The following CFAP54 variants were observed in gnomAD, a reference collection of about 807,000 sequenced individuals.
CFAP54 encodes the protein cilia- and flagella-associated protein 54.
In CFAP54, 290 loss-of-function variants were observed where a neutral mutation model predicts 370.4. The observed-to-expected ratio is 0.78, with a 90% CI of 0.71 to 0.86. The LOEUF (loss-of-function observed/expected upper bound fraction) is 0.86. Among genes scored for constraint, CFAP54 ranks in the 40% least tolerant of loss-of-function variants. The pLI, the probability that CFAP54 is intolerant of heterozygous loss-of-function variation, is 0.00. For synonymous variants in CFAP54, 1,206 were observed against 1,236.5 expected (o/e 0.98, Z 0.52); for missense variants, 3,399 against 3,528.7 (o/e 0.96, Z 0.93).
intron 38 of CFAP54, among the ~76,000 whole-genome samples, chr12:96,663,213 AAAG>A (rs1284565828): frequency 1.3e-5 from 2 of 152,198 alleles, no homozygotes; most frequent in Non-Finnish European, 2.9e-5. Flanking sequence ...AAGGGACAAT[AAAG>A]AAGAAGCATC....
intron 65 of CFAP54, among the ~76,000 whole-genome samples, chr12:96,825,226 CT>C (rs1382511571): frequency 7.5e-6 from 1 of 133,370 alleles, no homozygotes; most frequent in African/African-American, 2.8e-5. Flanking sequence ...TATATATTCT[CT>C]CCCACATCTA....
At chr12:96,512,331 ATATATATATATATATATATG>A (rs1395473862) in intron 4 of CFAP54, among the ~76,000 whole-genome samples, 1 of 36,772 alleles carries the variant, frequency 2.7e-5, no homozygotes, top group African/African-American at 1.1e-4. Flanking sequence ...ATATATATAT[ATATATATATATATATATATG>A]TATATATTTG....
chr12:96,755,442 T>A (rs1016150252), intron 56 of CFAP54, among the ~76,000 whole-genome samples: 2 of 152,098 alleles, frequency 1.3e-5, no homozygotes, highest in African/African-American at 4.8e-5. Flanking sequence ...TAACTGAAAC[T>A]TTGTACCCTT....
chr12:96,772,865 T>TGTAA (rs1958478219), intron 60 of CFAP54, among the ~76,000 whole-genome samples: 1 of 152,108 alleles, frequency 6.6e-6, no homozygotes, highest in South Asian at 2.1e-4. Flanking sequence ...ATGCCTCAGC[T>TGTAA]TCCCAAAGTG....
chr12:96,602,521 C>T (rs1093235), intron 26 of CFAP54, among the ~76,000 whole-genome samples: 105,181 of 151,986 alleles, frequency 0.69, 36,535 homozygotes, highest in African/African-American at 0.71. Flanking sequence ...TGTTAATTTT[C>T]TCTCTCATTG....
intron 26 of CFAP54, 46 bp from the exon 27 acceptor site, chr12:96,621,544 A>G: frequency 7.7e-7 from 1 of 1,301,976 alleles, no homozygotes; most frequent in Non-Finnish European, 1.0e-6. Context: ...ACTTGAAAAT[A>G]GACAAGAATG....
intron 50 of CFAP54, among the ~76,000 whole-genome samples, chr12:96,730,007 G>A (rs1456880369): frequency 2.0e-5 from 3 of 152,190 alleles, no homozygotes; most frequent in African/African-American, 7.2e-5. Context: ...ACACAGTCGA[G>A]TAGGAGCCCG....
chr12:96,513,442 C>A (rs1238417322), intron 5 of CFAP54, among the ~76,000 whole-genome samples: 5 of 152,098 alleles, frequency 3.3e-5, no homozygotes, highest in Admixed American at 3.3e-4. Flanking sequence ...CCCACTTTTA[C>A]TAGTAAAAGT....
At chr12:96,861,460 C>A (rs1320558455) in intron 67 of CFAP54, among the ~76,000 whole-genome samples, 3 of 152,172 alleles carry the variant, frequency 2.0e-5, no homozygotes, top group Non-Finnish European at 2.9e-5. Context: ...CTCAATTAAA[C>A]CCCGACATGT....
intron 63 of CFAP54, among the ~76,000 whole-genome samples, chr12:96,794,333 T>C (rs947336333): frequency 6.6e-6 from 1 of 152,198 alleles, no homozygotes; most frequent in Non-Finnish European, 1.5e-5. Context: ...CAAATACATT[T>C]TCCAAACTTT....
chr12:96,709,348 T>C (rs1957583820), intron 48 of CFAP54, among the ~76,000 whole-genome samples: 1 of 152,204 alleles, frequency 6.6e-6, no homozygotes, highest in Non-Finnish European at 1.5e-5. Flanking sequence ...ACATAGTATA[T>C]CTTTCTATGG....
At chr12:96,809,575 A>C (rs372202525) in intron 63 of CFAP54, among the ~76,000 whole-genome samples, 27 of 151,968 alleles carry the variant, frequency 1.8e-4, no homozygotes, top group African/African-American at 5.8e-4. Context: ...GTTTCATTGG[A>C]GTTTTCTCCT....
chr12:96,513,114 A>T (rs1353954026), intron 5 of CFAP54, 70 bp downstream of exon 5: 3 of 783,234 alleles, frequency 3.8e-6, no homozygotes, highest in African/African-American at 1.8e-5. Context: ...CTTTCATTAC[A>T]CAGTATATTG....
At chr12:96,705,406 T>G (rs1050451853) in intron 47 of CFAP54, among the ~76,000 whole-genome samples, 3 of 152,166 alleles carry the variant, frequency 2.0e-5, no homozygotes, top group African/African-American at 7.2e-5. Flanking sequence ...TTAATTATCC[T>G]TCAGATGATT....
intron 14 of CFAP54, among the ~76,000 whole-genome samples, chr12:96,544,414 C>A (rs898710544): frequency 1.7e-4 from 8 of 45,910 alleles, no homozygotes; most frequent in African/African-American, 5.4e-4. Flanking sequence ...CAGAATATCT[C>A]TCTCTCTCTC....
intron 26 of CFAP54, among the ~76,000 whole-genome samples, chr12:96,601,114 A>G (rs1428474338): frequency 6.6e-6 from 1 of 152,122 alleles, no homozygotes; most frequent in Non-Finnish European, 1.5e-5. Flanking sequence ...AGCTCTTATT[A>G]TTTTGAGATA....
intron 62 of CFAP54, among the ~76,000 whole-genome samples, chr12:96,788,593 A>G (rs952409291): frequency 1.3e-5 from 2 of 152,202 alleles, no homozygotes; most frequent in Non-Finnish European, 2.9e-5. Flanking sequence ...TTGTTCCAGA[A>G]TGGTGACCCT....
rs1471450568 is a variant in CFAP54, at chr12:96,500,930, T to G, written c.414T>G (p.Cys138Trp). ...TTCTGAAGGTTGGAGATAGCCTTTG[T>G]CAAATGAAAGTAAGTGCCTCTGCAG... ...EKLLKVGDSL[C>W]QMKEYKLALL... The change falls in exon 2 of 68, where the codon TGT becomes TGG. Residue 138 changes from cysteine (C) to tryptophan (W), a missense_variant. Cys to Trp is a radical substitution (Grantham distance 215). This residue lies in a region of CFAP54 where 559 missense variants were observed against 576.7 expected (regional missense o/e 0.97). Coordinates refer to ENST00000524981, the MANE Select transcript of CFAP54 (RefSeq NM_001306084.2). The G allele has an allele frequency of 6.5e-7, 1 of 1,532,932 alleles. No homozygotes were observed. The highest frequency in any genetic ancestry group is 8.7e-7 in the Non-Finnish European group (1 of 1,144,664). 95.0% of individuals were successfully genotyped at this position (1,532,932 alleles called of 1,614,324 possible). A position where few individuals can be genotyped will look rare whatever the true frequency, so the allele number is the denominator to read the frequency against.
At chr12:96,491,689 G>A (rs1954887072) in intron 1 of CFAP54, among the ~76,000 whole-genome samples, 1 of 152,168 alleles carries the variant, frequency 6.6e-6, no homozygotes, top group Non-Finnish European at 1.5e-5. Flanking sequence ...GGCAAATTCT[G>A]CTGACTGGCC....
Sources: gnomAD v4.1 joint callset for allele counts (sites outside exome capture counted in the v4.1 genomes callset) on GRCh38, gnomAD v4.1.1 for gene constraint, gnomAD v4.1.1 regional missense constraint, MANE v1.5 for transcripts, NCBI Gene and HGNC (gene_info 2026-07-23, HGNC 2026-07-21) for gene names.